Variants in POR observed in about 807,000 individuals in gnomAD.
The protein encoded by POR is NADPH--cytochrome P450 reductase.
A neutral mutation model predicts 84.0 loss-of-function variants in POR; 56 were observed. That is an observed-to-expected ratio of 0.67 (90% confidence interval 0.54 to 0.83). The LOEUF (loss-of-function observed/expected upper bound fraction) is 0.83. Among genes scored for constraint, POR ranks in the 40% least tolerant of loss-of-function variants. The probability of loss-of-function intolerance (pLI) is 0.00; values close to 1 mark genes in which losing one functional copy is unlikely to be tolerated. For synonymous variants in POR, 414 were observed against 400.5 expected, an observed-to-expected ratio of 1.03 and a Z score of -0.40; for missense variants, 938 against 944.3, an observed-to-expected ratio of 0.99 and a Z score of 0.09.
At position 75,985,848 on chromosome 7, in the gene POR, G is replaced by A. The variant is rs1174483899; in HGVS notation, c.1668G>A (p.Gln556=). 1.2e-5 allele frequency: 19 copies of A among 1,549,478 alleles called. No individual in the cohort carries two copies. Among genetic ancestry groups the A allele is most frequent in the South Asian group, 1.2e-4 (10 of 83,540 alleles). The change falls in exon 13 of 16, where the codon CAG becomes CAA. Residue 556 remains glutamine (Q), a splice_region_variant and synonymous_variant. Coordinates refer to ENST00000461988, the MANE Select transcript of POR (RefSeq NM_000941.3). ...AGGAGCGGGCCTGGCTGCGACAGCA[G>A]GGTGAGTGGGGTCCCATGGGGGAGA...
chr7:75,924,029 G>C (rs1806999848), intron 1 of POR, among the ~76,000 whole-genome samples: 1 of 152,182 alleles, frequency 6.6e-6, no homozygotes. Context: ...GTGGAGAAAG[G>C]AGTCTTGCTT....
At chr7:75,976,274 C>T (rs1411565878) in intron 3 of POR, among the ~76,000 whole-genome samples, 2 of 152,022 alleles carry the variant, frequency 1.3e-5, no homozygotes, top group South Asian at 2.1e-4. Context: ...AAAACCCTGT[C>T]TCTACTAAAA....
At chr7:75,978,837 C>T (rs1329546212) in intron 3 of POR, among the ~76,000 whole-genome samples, 1 of 151,918 alleles carries the variant, frequency 6.6e-6, no homozygotes, top group Non-Finnish European at 1.5e-5. Flanking sequence ...TGCTCTGTCA[C>T]CCAGGCTGGA....
chr7:75,942,650 A>G (rs1356042223), intron 1 of POR, among the ~76,000 whole-genome samples: 1 of 151,622 alleles, frequency 6.6e-6, no homozygotes, highest in African/African-American at 2.4e-5. Context: ...AGCAGCTCAA[A>G]GTTTTTGTTT....
At chr7:75,974,029 A>T (rs563196108) in intron 3 of POR, among the ~76,000 whole-genome samples, 2 of 152,174 alleles carry the variant, frequency 1.3e-5, no homozygotes, top group South Asian at 4.2e-4. Context: ...TGTCTCAAAG[A>T]TCCTTCCATA....
At position 75,979,476 on chromosome 7, in the gene POR, G is replaced by C; in HGVS notation, c.263G>C (p.Gly88Ala). ...GGGAGGAACATCATCGTGTTCTACG[G>C]CTCCCAGACGGGGACTGCAGAGGAG... The change falls in exon 4 of 16, where the codon GGC becomes GCC. Residue 88 changes from glycine to alanine, a missense_variant. Physicochemically the swap from Gly to Ala is moderately conservative, Grantham distance 60 (BLOSUM62 0). Coordinates refer to ENST00000461988, the MANE Select transcript of POR (RefSeq NM_000941.3). 3 of 1,613,440 alleles carry C rather than the reference G, an allele frequency of 1.9e-6. No homozygotes were observed. Among genetic ancestry groups the C allele is most frequent in the Non-Finnish European group, 2.5e-6 (3 of 1,179,814 alleles).
At chr7:75,981,688 G>C in intron 7 of POR, 82 bp downstream of exon 7, 1 of 1,183,088 alleles carries the variant, frequency 8.5e-7, no homozygotes, top group Non-Finnish European at 1.2e-6. Flanking sequence ...AGGGCTGGCA[G>C]TGGGTCGCAG....
At chr7:75,974,619 C>T (rs937803939) in intron 3 of POR, among the ~76,000 whole-genome samples, 26 of 150,904 alleles carry the variant, frequency 1.7e-4, no homozygotes, top group African/African-American at 6.3e-4. Flanking sequence ...CTCCACCTCC[C>T]GGGTTCAAGC....
chr7:75,936,543 G>T (rs958491116), intron 1 of POR, among the ~76,000 whole-genome samples: 4 of 152,144 alleles, frequency 2.6e-5, no homozygotes, highest in Non-Finnish European at 5.9e-5. Context: ...TTTTGGGGAA[G>T]CCATGTTGAC....
At chr7:75,959,631 T>C (rs1330639834) in intron 2 of POR, among the ~76,000 whole-genome samples, 1 of 148,054 alleles carries the variant, frequency 6.8e-6, no homozygotes, top group East Asian at 1.9e-4. Context: ...AATTTTTGTA[T>C]TTTTAGTAGA....
At chr7:75,924,276 T>C (rs1807011316) in intron 1 of POR, among the ~76,000 whole-genome samples, 2 of 152,188 alleles carry the variant, frequency 1.3e-5, no homozygotes, top group South Asian at 4.1e-4. Context: ...GTTCCTTCTG[T>C]AGTTGATAAT....
At chr7:75,985,298 ATCTGAGCC>A in intron 12 of POR, 91 bp downstream of exon 12, 1 of 1,416,370 alleles carries the variant, frequency 7.1e-7, no homozygotes, top group South Asian at 1.4e-5. Flanking sequence ...GAGCTCCGAG[ATCTGAGCC>A]CTGAGCTCCA....
At chr7:75,932,795 G>A (rs541551325) in intron 1 of POR, among the ~76,000 whole-genome samples, 3 of 152,160 alleles carry the variant, frequency 2.0e-5, no homozygotes, top group African/African-American at 7.2e-5. Context: ...CGAGGTGGGT[G>A]GATCACGAGG....
intron 1 of POR, among the ~76,000 whole-genome samples, chr7:75,929,997 A>G (rs1018145292): frequency 6.6e-6 from 1 of 152,166 alleles, no homozygotes; most frequent in Non-Finnish European, 1.5e-5. Context: ...GGGTCCCACA[A>G]GGTCTTTAAA....
At chr7:75,930,253 C>T (rs1401009803) in intron 1 of POR, among the ~76,000 whole-genome samples, 1 of 152,028 alleles carries the variant, frequency 6.6e-6, no homozygotes, top group Non-Finnish European at 1.5e-5. Flanking sequence ...ACTAGGCAGG[C>T]CTTTCTCTCT....
chr7:75,955,911 G>A (rs765175264), intron 2 of POR, among the ~76,000 whole-genome samples: 1 of 152,104 alleles, frequency 6.6e-6, no homozygotes, highest in Non-Finnish European at 1.5e-5. Context: ...AGCCTTCCCC[G>A]CCAGAACACT....
intron 1 of POR, chr7:75,923,216 A>G (rs1200718145): frequency 2.7e-6 from 3 of 1,111,362 alleles, no homozygotes; most frequent in African/African-American, 1.5e-5. Flanking sequence ...CTGACAACAC[A>G]GTGATTGAGG....
Position 75,979,349 on chromosome 7 carries a change from C to G in POR, c.238-102C>G, listed in dbSNP as rs969388342. On this transcript the variant is annotated intron_variant, in intron 3 of 15. Coordinates refer to ENST00000461988, the MANE Select transcript of POR (RefSeq NM_000941.3). ...ACTCAAAGCCAGGAAGGAAAGGGGG[C>G]GGCCTGGAGGGCCCCCGCCTGCCAG... The G allele has an allele frequency of 1.8e-5, 25 of 1,381,660 alleles. No individual in the cohort carries two copies. The Admixed American group carries it at 5.4e-4, about 30-fold the overall frequency. 85.6% of individuals were successfully genotyped at this position (1,381,660 alleles called of 1,614,324 possible).
rs1788886078 is a variant in POR, at chr7:75,979,522, G to A, written c.309G>A (p.Lys103=). ...AGGAGTTTGCCAACCGCCTGTCCAAGGACGCCCACCGCTACGGGATGCGAG... is the reference window on the plus strand; with the variant it reads ...AGGAGTTTGCCAACCGCCTGTCCAAAGACGCCCACCGCTACGGGATGCGAG... Residue 103 remains lysine (K), a synonymous_variant, in exon 4 of 16, where the codon AAG becomes AAA. Transcript: ENST00000461988. The A allele has an allele frequency of 1.2e-6, 2 of 1,613,476 alleles. No homozygotes were observed. Among genetic ancestry groups the A allele is most frequent in the Admixed American group, 3.3e-5 (2 of 60,002 alleles).
Sources: gnomAD v4.1 joint callset for allele counts (sites outside exome capture counted in the v4.1 genomes callset) on GRCh38, gnomAD v4.1.1 for gene constraint, MANE v1.5 for transcripts, NCBI Gene and HGNC (gene_info 2026-07-23, HGNC 2026-07-21) for gene names.